The following FAT1 variants were observed in gnomAD, a reference collection of about 807,000 sequenced individuals.
FAT1 encodes the protein protocadherin Fat 1.
A neutral mutation model predicts 329.8 loss-of-function variants in FAT1; 171 were observed. The observed-to-expected ratio is 0.52, with a 90% confidence interval of 0.46 to 0.59. The LOEUF (loss-of-function observed/expected upper bound fraction) is 0.59. FAT1 is among the 20% of genes least tolerant of loss of function. The probability of loss-of-function intolerance (pLI) is 0.00; values close to 1 mark genes in which losing one functional copy is unlikely to be tolerated. For missense variants in FAT1, 5,672 were observed against 5,774.4 expected, an observed-to-expected ratio of 0.98 and a Z score of 0.57; for synonymous variants, 2,233 against 2,228.6, an observed-to-expected ratio of 1.00 and a Z score of -0.06.
intron 2 of FAT1, among the ~76,000 whole-genome samples, chr4:186,705,507 T>C (rs1744540556): frequency 6.6e-6 from 1 of 152,182 alleles, no homozygotes; most frequent in African/African-American, 2.4e-5. Flanking sequence ...CTTTTCTATT[T>C]CCACTATCAT....
In FAT1 at chr4:186,634,649, AAAAAAGT is replaced by A. The variant is rs1364235096; in HGVS notation, c.4184-833_4184-827del. Among the ~76,000 whole-genome samples the A allele has an allele frequency of 2.9e-5, 4 of 137,736 alleles. No individual in the cohort carries two copies. The East Asian group carries it at 8.1e-4, about 28-fold the overall frequency. 90.4% of individuals were successfully genotyped at this position (137,736 alleles called of 152,430 possible). Reference sequence around the variant, plus strand: ...GCGATGGAAGATAGTCACTGGAAATAAAAAAGTAAAAAAAAACAAAAACAAAACAAGG... The same window carrying A: ...GCGATGGAAGATAGTCACTGGAAATAAAAAAAAAACAAAAACAAAACAAGG... On this transcript the variant is annotated intron_variant, in intron 6 of 26. Coordinates refer to ENST00000441802, the MANE Select transcript of FAT1 (RefSeq NM_005245.4).
At chr4:186,726,222 G>C (rs1411393280), upstream of FAT1, 2 of 152,302 alleles carry the variant, frequency 1.3e-5, no homozygotes, top group Non-Finnish European at 2.9e-5. Flanking sequence ...GGGATGCGCA[G>C]CTCCTGGAGC....
rs35176185 is a variant in FAT1 at position 186,638,615 on chromosome 4, G to GCACA, written c.3642+1103_3642+1106dup. Among the ~76,000 whole-genome samples the GCACA allele has an allele frequency of 7.8e-3, 1,089 of 140,022 alleles. 8 individuals are homozygous for GCACA. Among genetic ancestry groups the GCACA allele is most frequent in the South Asian group, 0.027 (114 of 4,230 alleles). 91.9% of individuals were successfully genotyped at this position (140,022 alleles called of 152,430 possible). A position where few individuals can be genotyped will look rare whatever the true frequency, so the allele number is the denominator to read the frequency against. ...CCAGAGGGTATTCCCAGTTCCCAAT[G>GCACA]CACACACACACACACACACACACAC... is the stretch of plus-strand genomic sequence containing the variant. On this transcript the variant is annotated intron_variant, in intron 4 of 26. Coordinates refer to ENST00000441802, the MANE Select transcript of FAT1 (RefSeq NM_005245.4).
chr4:186,658,445 T>C (rs774326801), intron 3 of FAT1, among the ~76,000 whole-genome samples: 7 of 152,182 alleles, frequency 4.6e-5, no homozygotes, highest in Non-Finnish European at 8.8e-5. Flanking sequence ...TTTGTTACAC[T>C]ATGACAAAAG....
chr4:186,628,617 G>A lies in FAT1; in HGVS notation c.4470C>T (p.Ile1490=), dbSNP rs781347209. The A allele has an allele frequency of 6.2e-7, 1 of 1,613,984 alleles. No individual in the cohort carries two copies. The highest frequency in any genetic ancestry group is 8.5e-7 in the Non-Finnish European group (1 of 1,179,890). ...GATCTCTACTGCTCTGCAGAGTGTA[G>A]ATTAGTTTGTTTTTCTCATCCTGAT... The part of the protein sequence containing the change: ...AVDQDEKNKL[I]YTLQSSRDPL... The change falls in exon 8 of 27, where the codon ATC becomes ATT. Residue 1490 remains isoleucine, a synonymous_variant. Coordinates refer to ENST00000441802, the MANE Select transcript of FAT1 (RefSeq NM_005245.4).
At position 186,709,868 on chromosome 4, in the gene FAT1, C is replaced by T. The variant is rs142421404; in HGVS notation, c.-18-23G>A. ...AATCTGAAACAGAAGAAATCAGAATCGTTACCTTGGGGAAATAAAACAAGC... is the reference window on the plus strand; with the variant it reads ...AATCTGAAACAGAAGAAATCAGAATTGTTACCTTGGGGAAATAAAACAAGC... On this transcript the variant is annotated intron_variant, in intron 1 of 26. Transcript: ENST00000441802. 9.9e-5 allele frequency: 153 copies of T among 1,542,564 alleles called. 2 individuals are homozygous for T. The African/African-American group carries it at 1.6e-3, about 16-fold the overall frequency.
chr4:186,597,583 G>C, intron 24 of FAT1, 99 bp downstream of exon 24: 1 of 784,502 alleles, frequency 1.3e-6, no homozygotes, highest in Non-Finnish European at 2.2e-6. Context: ...ATCAAAATCT[G>C]ACATAATGTA....
chr4:186,597,885 T>G, intron 23 of FAT1, 87 bp downstream of exon 23: 1 of 1,563,844 alleles, frequency 6.4e-7, no homozygotes, highest in Non-Finnish European at 8.8e-7. Flanking sequence ...ATTAGCAAAT[T>G]AACGTGCAGA....
chr4:186,610,783 CTGTTT>C lies in FAT1; in HGVS notation c.9853+598_9853+602del, dbSNP rs578005285. ...AATTTGAATGGAGCAACTTTCTACACTGTTTTAAGACTTAGGACTATTTTAGGCCA... is the reference window on the plus strand; with the variant it reads ...AATTTGAATGGAGCAACTTTCTACACTAAGACTTAGGACTATTTTAGGCCA... On this transcript the variant is annotated intron_variant, in intron 14 of 26. Transcript: ENST00000441802. Among the ~76,000 whole-genome samples the C allele has an allele frequency of 5.9e-3, 858 of 146,514 alleles. 10 individuals carry two copies. Among genetic ancestry groups the C allele is most frequent in the African/African-American group, 0.02 (810 of 40,380 alleles).
chr4:186,665,240 T>C (rs1451329748), intron 2 of FAT1, among the ~76,000 whole-genome samples: 1 of 152,196 alleles, frequency 6.6e-6, no homozygotes, highest in Admixed American at 6.5e-5. Flanking sequence ...AAATGGTATT[T>C]CTAGTTCTAG....
At chr4:186,669,146 TC>T (rs1742611889) in intron 2 of FAT1, among the ~76,000 whole-genome samples, 1 of 152,070 alleles carries the variant, frequency 6.6e-6, no homozygotes, top group Non-Finnish European at 1.5e-5. Flanking sequence ...CCCTCTGCGC[TC>T]CCCTCCTTCT....
intron 3 of FAT1, among the ~76,000 whole-genome samples, chr4:186,657,576 C>A (rs183894309): frequency 6.6e-6 from 1 of 152,200 alleles, no homozygotes; most frequent in East Asian, 1.9e-4. Flanking sequence ...GATGTTTTCT[C>A]AGGTGTAAAA....
At chr4:186,699,123 G>T (rs768018896) in intron 2 of FAT1, among the ~76,000 whole-genome samples, 1 of 152,112 alleles carries the variant, frequency 6.6e-6, no homozygotes, top group Non-Finnish European at 1.5e-5. Flanking sequence ...CCTGTACACG[G>T]CAAGTACTCA....
intron 4 of FAT1, among the ~76,000 whole-genome samples, chr4:186,638,481 A>T (rs985809125): frequency 1.3e-5 from 2 of 152,150 alleles, no homozygotes; most frequent in South Asian, 4.1e-4. Flanking sequence ...GCTCTATCAT[A>T]AAGAAAATGA....
intron 1 of FAT1, among the ~76,000 whole-genome samples, chr4:186,719,654 C>T (rs1297904997): frequency 6.6e-6 from 1 of 152,192 alleles, no homozygotes; most frequent in East Asian, 1.9e-4. Context: ...TGTGTGAATT[C>T]AAGGAACTTG....
In FAT1 at chr4:186,618,599, C is replaced by T. The variant is rs2126497040; in HGVS notation, c.7987G>A (p.Gly2663Ser). ...GVITTKESLI[G>S]LENEFFTFFV... is the part of the protein sequence containing the mutation. Reference sequence around the variant, plus strand: ...AAAGTGAAGAATTCATTTTCCAAGCCAATGAGGCTCTCCTTTGTAGTGATT... The same window carrying T: ...AAAGTGAAGAATTCATTTTCCAAGCTAATGAGGCTCTCCTTTGTAGTGATT... Residue 2663 changes from glycine to serine, a missense_variant, in exon 10 of 27, where the codon GGC becomes AGC. Transcript: ENST00000441802. 1.2e-6 allele frequency: 2 copies of T among 1,614,030 alleles called. No individual in the cohort carries two copies. Among genetic ancestry groups the T allele is most frequent in the South Asian group, 2.2e-5 (2 of 91,084 alleles).
At chr4:186,645,605 G>A (rs957977711) in intron 3 of FAT1, among the ~76,000 whole-genome samples, 4 of 151,266 alleles carry the variant, frequency 2.6e-5, no homozygotes, top group Non-Finnish European at 5.9e-5. Context: ...CATTAAAAGT[G>A]AAAGAAACCA....
rs138369597 is a variant in FAT1 at position 186,706,611 on chromosome 4, T to C, written c.3217A>G (p.Ile1073Val). The C allele has an allele frequency of 8.9e-5, 144 of 1,613,936 alleles. 1 individual carries two copies. The African/African-American group carries it at 1.7e-3, about 19-fold the overall frequency. ...ARRDGEIRYS[I>V]RDGSGVGVFK... The stretch of plus-strand genomic sequence containing the variant: ...ACACCAACGCCAGAGCCATCTCTAA[T>C]GGAGTATCGGATCTCCCCATCTCTT... Residue 1073 changes from isoleucine to valine, a missense_variant, in exon 2 of 27, where the codon ATT becomes GTT. Physicochemically the swap from Ile to Val is conservative, Grantham distance 29. Around this residue, in one of 2 missense-constraint regions of FAT1, gnomAD observed 3,966 missense variants for 3,915.2 expected, o/e 1.01. Coordinates refer to ENST00000441802, the MANE Select transcript of FAT1 (RefSeq NM_005245.4).
chr4:186,690,685 G>A (rs1242932737), intron 2 of FAT1, among the ~76,000 whole-genome samples: 10 of 151,068 alleles, frequency 6.6e-5, no homozygotes, highest in Admixed American at 5.9e-4. Flanking sequence ...GTGAGACTCT[G>A]CCTCAAAAAA....
Sources: allele counts gnomAD v4.1 joint callset (sites outside exome capture counted in the v4.1 genomes callset), GRCh38; gene constraint gnomAD v4.1.1; regional missense constraint gnomAD v4.1.1; transcripts MANE v1.5; gene names NCBI Gene and HGNC (gene_info 2026-07-23, HGNC 2026-07-21).